The following SMYD3 variants were observed in gnomAD, a reference collection of about 807,000 sequenced individuals.
The protein encoded by SMYD3 is histone-lysine N-methyltransferase SMYD3.
SMYD3 carries 36 observed loss-of-function variants against 57.7 expected under a neutral mutation model. The ratio of observed to expected loss-of-function variants is 0.62; its 90% confidence interval spans 0.48 to 0.82. SMYD3 has a LOEUF of 0.82. Among genes scored for constraint, SMYD3 ranks in the 40% least tolerant of loss-of-function variants. The pLI, the probability that SMYD3 is intolerant of heterozygous loss-of-function variation, is 0.00. For missense variants in SMYD3, 515 were observed against 538.8 expected, an observed-to-expected ratio of 0.96 and a Z score of 0.44; for synonymous variants, 211 against 195.0, an observed-to-expected ratio of 1.08 and a Z score of -0.68.
intron 5 of SMYD3, among the ~76,000 whole-genome samples, chr1:246,322,044 A>T (rs2065257529): frequency 6.6e-6 from 1 of 152,104 alleles, no homozygotes; most frequent in African/African-American, 2.4e-5. Flanking sequence ...GGAGTGAGCC[A>T]TTGTGCCTGA....
At chr1:245,884,805 A>ACTCTGTAAAATGGACCAATCAGCG (rs2052993631) in intron 8 of SMYD3, among the ~76,000 whole-genome samples, 1 of 151,252 alleles carries the variant, frequency 6.6e-6, no homozygotes, top group African/African-American at 2.4e-5. Flanking sequence ...ACCAATCAGC[A>ACTCTGTAAAATGGACCAATCAGCG]CTCTGTAAAA....
chr1:246,443,379 A>G lies in SMYD3; in HGVS notation c.164+63675T>C, dbSNP rs186029571. On this transcript the variant is annotated intron_variant, in intron 1 of 11. Transcript: ENST00000490107. ...AATCTCAATTTATTTAGGAAGCTCT[A>G]CAATGTAACTCCTCAAAAGGCAACA... Among the ~76,000 whole-genome samples, 33 of 152,356 alleles carry G rather than the reference A, an allele frequency of 2.2e-4. 1 individual carries two copies. The highest frequency in any genetic ancestry group is 1.7e-3 in the Admixed American group (26 of 15,306).
chr1:246,280,364 T>C (rs2064417788), intron 5 of SMYD3, among the ~76,000 whole-genome samples: 1 of 152,214 alleles, frequency 6.6e-6, no homozygotes, highest in South Asian at 2.1e-4. Context: ...ACAAGCCAGT[T>C]AGTGGAGTAA....
intron 5 of SMYD3, among the ~76,000 whole-genome samples, chr1:246,098,186 T>G (rs1428103030): frequency 6.6e-6 from 1 of 152,174 alleles, no homozygotes; most frequent in African/African-American, 2.4e-5. Context: ...AATGCACACA[T>G]GCAAATCAAG....
chr1:245,899,431 T>C (rs1176439121), intron 8 of SMYD3, among the ~76,000 whole-genome samples: 1 of 152,160 alleles, frequency 6.6e-6, no homozygotes, highest in Non-Finnish European at 1.5e-5. Flanking sequence ...CATGGAAACA[T>C]GGGAAAACAG....
At chr1:246,127,250 T>C (rs920849690) in intron 5 of SMYD3, among the ~76,000 whole-genome samples, 1 of 152,070 alleles carries the variant, frequency 6.6e-6, no homozygotes, top group Non-Finnish European at 1.5e-5. Flanking sequence ...CCAGTTCCCA[T>C]GCCAACCTGA....
At chr1:245,850,975 C>T (rs2050943075) in intron 10 of SMYD3, among the ~76,000 whole-genome samples, 1 of 152,050 alleles carries the variant, frequency 6.6e-6, no homozygotes, top group Non-Finnish European at 1.5e-5. Context: ...GGGGTTTAGC[C>T]ATAGGGAGGG....
intron 2 of SMYD3, among the ~76,000 whole-genome samples, chr1:246,339,171 T>C (rs550216249): frequency 1.1e-4 from 17 of 152,298 alleles, no homozygotes; most frequent in Non-Finnish European, 2.2e-4. Flanking sequence ...ATTAAAGCCA[T>C]ATCACTGAAG....
intron 1 of SMYD3, among the ~76,000 whole-genome samples, chr1:246,444,617 C>T (rs2067525824): frequency 6.6e-6 from 1 of 152,164 alleles, no homozygotes; most frequent in Non-Finnish European, 1.5e-5. Flanking sequence ...TGCTCTCAGG[C>T]AACCATATTA....
At chr1:246,194,196 T>A (rs968838131) in intron 5 of SMYD3, among the ~76,000 whole-genome samples, 6 of 150,610 alleles carry the variant, frequency 4.0e-5, no homozygotes, top group African/African-American at 1.2e-4. Context: ...ATCAAGGGGG[T>A]CTACACACTT....
In SMYD3 at chr1:245,824,166, G is replaced by A. The variant is rs114432263; in HGVS notation, c.1076+34330C>T. On this transcript the variant is annotated intron_variant, in intron 10 of 11. Transcript: ENST00000490107. ...ATCTTCCCCAAAGTAGGGAAACAGC[G>A]GTACCCTGCACAAGCTTGGCATAGA... Among the ~76,000 whole-genome samples, 1,106 of 152,278 alleles carry A rather than the reference G, an allele frequency of 7.3e-3. 9 individuals carry two copies. The highest frequency in any genetic ancestry group is 0.025 in the African/African-American group (1,041 of 41,566).
intron 5 of SMYD3, among the ~76,000 whole-genome samples, chr1:246,207,668 G>A (rs1433760458): frequency 2.0e-5 from 3 of 152,044 alleles, no homozygotes; most frequent in African/African-American, 7.2e-5. Flanking sequence ...AAAAAGAAAA[G>A]CTCTGAAGTC....
intron 8 of SMYD3, among the ~76,000 whole-genome samples, chr1:245,882,105 A>G (rs1402300098): frequency 2.6e-5 from 4 of 152,246 alleles, no homozygotes; most frequent in Non-Finnish European, 5.9e-5. Flanking sequence ...CAGGGTGGAA[A>G]CAGGCAGACC....
chr1:246,178,076 C>T (rs1209093840), intron 5 of SMYD3, among the ~76,000 whole-genome samples: 1 of 152,198 alleles, frequency 6.6e-6, no homozygotes, highest in African/African-American at 2.4e-5. Context: ...ATTCACCCTT[C>T]TAATTAGATG....
At position 246,167,807 on chromosome 1, in the gene SMYD3, A is replaced by G. The variant is rs137991579; in HGVS notation, c.531+159394T>C. 1.6e-3 allele frequency among the ~76,000 whole-genome samples: 247 copies of G among 152,272 alleles called. 1 individual carries two copies. The highest frequency in any genetic ancestry group is 5.5e-3 in the African/African-American group (229 of 41,570). On this transcript the variant is annotated intron_variant, in intron 5 of 11. Coordinates refer to ENST00000490107, the MANE Select transcript of SMYD3 (RefSeq NM_001167740.2). ...ATTACAGGCGTGAGCCACCACGCCC[A>G]GCCTCATTGTGGTTTTGATTTGCAT...
intron 5 of SMYD3, among the ~76,000 whole-genome samples, chr1:245,942,674 C>T (rs776578101): frequency 3.9e-5 from 6 of 152,208 alleles, no homozygotes; most frequent in Non-Finnish European, 8.8e-5. Context: ...AATACACATT[C>T]TTCTCTGTGC....
intron 11 of SMYD3, among the ~76,000 whole-genome samples, chr1:245,753,405 A>C (rs751960982): frequency 2.2e-4 from 33 of 152,230 alleles, no homozygotes; most frequent in South Asian, 6.2e-4. Flanking sequence ...AGGATTCAGT[A>C]ATGTGCAAAA....
chr1:246,253,385 CCGTATTAATTCACT>C (rs2063826926), intron 5 of SMYD3, among the ~76,000 whole-genome samples: 1 of 152,104 alleles, frequency 6.6e-6, no homozygotes, highest in East Asian at 1.9e-4. Context: ...TTTTTTGTTC[CCGTATTAATTCACT>C]TAGAATAATG....
chr1:246,485,923 G>C (rs553330278), intron 1 of SMYD3, among the ~76,000 whole-genome samples: 100 of 152,316 alleles, frequency 6.6e-4, no homozygotes, highest in African/African-American at 2.4e-3. Flanking sequence ...TATAAAGAGA[G>C]ACCTCAGAAG....
Sources: gnomAD v4.1 joint callset for allele counts (sites outside exome capture counted in the v4.1 genomes callset) on GRCh38, gnomAD v4.1.1 for gene constraint, MANE v1.5 for transcripts, NCBI Gene and HGNC (gene_info 2026-07-23, HGNC 2026-07-21) for gene names.